Variants in SMOC1 observed in about 807,000 individuals in gnomAD.
SMOC1 encodes the protein SPARC related modular calcium binding 1, also known as SPARC-related modular calcium-binding protein 1.
Under a neutral mutation model 56.3 loss-of-function variants are expected in SMOC1, and 22 were observed. That is an observed-to-expected ratio of 0.39 (90% CI 0.28 to 0.56). The LOEUF (loss-of-function observed/expected upper bound fraction) is 0.56, where lower values mean the gene tolerates loss of function less well. Among genes scored for constraint, SMOC1 ranks in the 20% least tolerant of loss-of-function variants. The pLI is 0.61. For synonymous variants in SMOC1, 193 were observed against 215.0 expected, an observed-to-expected ratio of 0.90 and a Z score of 0.89; for missense variants, 509 against 565.4, an observed-to-expected ratio of 0.90 and a Z score of 1.01.
At chr14:69,941,712 C>G (rs957082477) in intron 1 of SMOC1, among the ~76,000 whole-genome samples, 1 of 152,202 alleles carries the variant, frequency 6.6e-6, no homozygotes, top group African/African-American at 2.4e-5. Flanking sequence ...CAACCTGGCC[C>G]TAGGGGCTGA....
chr14:69,959,293 A>C (rs1883290380), intron 3 of SMOC1, among the ~76,000 whole-genome samples: 1 of 152,208 alleles, frequency 6.6e-6, no homozygotes. Context: ...ACTTTCCAGC[A>C]GCTCTCTATT....
chr14:69,891,342 A>T (rs890135269), intron 1 of SMOC1, among the ~76,000 whole-genome samples: 1 of 152,242 alleles, frequency 6.6e-6, no homozygotes, highest in Admixed American at 6.5e-5. Context: ...ATATATTCTT[A>T]AATTCCTTTT....
chr14:69,918,297 C>T (rs188085059), intron 1 of SMOC1, among the ~76,000 whole-genome samples: 40 of 151,778 alleles, frequency 2.6e-4, no homozygotes, highest in East Asian at 2.3e-3. Context: ...GGTGCAATCA[C>T]GGCTTACTGC....
intron 11 of SMOC1, among the ~76,000 whole-genome samples, chr14:70,027,964 C>T (rs980247634): frequency 2.0e-5 from 3 of 152,296 alleles, no homozygotes; most frequent in East Asian, 3.9e-4. Context: ...AGAGCCTATG[C>T]GTCGGTCATC....
At chr14:69,894,025 A>G (rs1884032502) in intron 1 of SMOC1, among the ~76,000 whole-genome samples, 1 of 152,206 alleles carries the variant, frequency 6.6e-6, no homozygotes, top group Admixed American at 6.5e-5. Flanking sequence ...CCCTGCCAGC[A>G]TCTTGATCTT....
chr14:69,883,921 A>C, intron 1 of SMOC1, among the ~76,000 whole-genome samples: 2 of 45,154 alleles, frequency 4.4e-5, no homozygotes, highest in Admixed American at 3.2e-4. Context: ...TTTTTTTGAG[A>C]CGGAGTCTCG....
At chr14:70,007,464 G>A (rs1885187565) in intron 7 of SMOC1, among the ~76,000 whole-genome samples, 1 of 152,248 alleles carries the variant, frequency 6.6e-6, no homozygotes, top group Non-Finnish European at 1.5e-5. Context: ...GCGTGCTTAG[G>A]TCGAGAAGAC....
At chr14:69,974,413 A>G (rs1057270363) in intron 3 of SMOC1, among the ~76,000 whole-genome samples, 5 of 152,168 alleles carry the variant, frequency 3.3e-5, no homozygotes, top group African/African-American at 1.2e-4. Flanking sequence ...GGAGCAAACA[A>G]AGGCTCAGAA....
Position 69,968,121 on chromosome 14 carries a change from C to T in SMOC1, c.379-7594C>T, listed in dbSNP as rs534852151. ...TTGGAAACAAATAGGGTCACAAGGC[C>T]CCTTGTTCCCAAACTCTCACGTAGA... is the stretch of plus-strand genomic sequence containing the variant. On this transcript the variant is annotated intron_variant, in intron 3 of 11. Transcript: ENST00000361956. Among the ~76,000 whole-genome samples, 122 of 152,206 alleles carry T rather than the reference C, an allele frequency of 8.0e-4. 1 individual carries two copies. The highest frequency in any genetic ancestry group is 1.5e-3 in the Non-Finnish European group (100 of 68,016).
intron 1 of SMOC1, among the ~76,000 whole-genome samples, chr14:69,897,139 C>A (rs1386792435): frequency 6.6e-6 from 1 of 152,008 alleles, no homozygotes; most frequent in African/African-American, 2.4e-5. Flanking sequence ...GCTTTTCTGG[C>A]CCCCCCTCCT....
chr14:69,925,922 A>G (rs1884997262), intron 1 of SMOC1, among the ~76,000 whole-genome samples: 1 of 152,144 alleles, frequency 6.6e-6, no homozygotes, highest in Non-Finnish European at 1.5e-5. Context: ...TCTGGAGAAG[A>G]CTGCGCACAC....
chr14:69,980,796 C>T (rs568376725), intron 5 of SMOC1, among the ~76,000 whole-genome samples: 9 of 152,094 alleles, frequency 5.9e-5, no homozygotes, highest in Non-Finnish European at 1.2e-4. Flanking sequence ...GGGTCTGCAC[C>T]CTTGTGCAGG....
chr14:69,952,506 C>T (rs1300753585), intron 2 of SMOC1, among the ~76,000 whole-genome samples: 1 of 152,228 alleles, frequency 6.6e-6, no homozygotes, highest in African/African-American at 2.4e-5. Context: ...CAAACACTGC[C>T]CCCAGGCTAG....
At chr14:70,027,735 C>T (rs1168941881) in intron 11 of SMOC1, among the ~76,000 whole-genome samples, 2 of 152,204 alleles carry the variant, frequency 1.3e-5, no homozygotes, top group South Asian at 2.1e-4. Flanking sequence ...ATTATAGTAC[C>T]TACCTCAACG....
chr14:69,974,874 G>T (rs1883895602), intron 3 of SMOC1, among the ~76,000 whole-genome samples: 1 of 152,124 alleles, frequency 6.6e-6, no homozygotes, highest in Admixed American at 6.5e-5. Flanking sequence ...ATCCCGTCAT[G>T]TGTGCCCTCA....
chr14:69,950,740 A>G (rs569897057), intron 1 of SMOC1, among the ~76,000 whole-genome samples: 2 of 152,316 alleles, frequency 1.3e-5, no homozygotes, highest in South Asian at 2.1e-4. Flanking sequence ...TAATAGCCCA[A>G]TTATTGTTCT....
At chr14:69,888,229 A>G (rs565398737) in intron 1 of SMOC1, among the ~76,000 whole-genome samples, 1 of 152,288 alleles carries the variant, frequency 6.6e-6, no homozygotes, top group East Asian at 1.9e-4. Context: ...AGAGGTTCAG[A>G]GATTGGATTG....
chr14:69,900,868 A>G (rs1156873712), intron 1 of SMOC1, among the ~76,000 whole-genome samples: 1 of 152,238 alleles, frequency 6.6e-6, no homozygotes, highest in Admixed American at 6.5e-5. Context: ...GGCCTGGTCT[A>G]GCATGACCTT....
intron 10 of SMOC1, among the ~76,000 whole-genome samples, chr14:70,021,516 A>G (rs1885722616): frequency 6.6e-6 from 1 of 152,192 alleles, no homozygotes; most frequent in African/African-American, 2.4e-5. Flanking sequence ...AGTTAGAGGC[A>G]GCTGGCAGCT....
Sources: gnomAD v4.1 joint callset for allele counts (sites outside exome capture counted in the v4.1 genomes callset) on GRCh38, gnomAD v4.1.1 for gene constraint, MANE v1.5 for transcripts, NCBI Gene and HGNC (gene_info 2026-07-23, HGNC 2026-07-21) for gene names.